The following ODC1 variants were observed in gnomAD, a reference collection of about 807,000 sequenced individuals.
ODC1 encodes the protein ornithine decarboxylase.
A neutral mutation model predicts 41.5 loss-of-function variants in ODC1; 18 were observed. The observed-to-expected ratio is 0.43, with a 90% CI of 0.30 to 0.64. The LOEUF is 0.64. ODC1 is among the 30% of genes least tolerant of loss of function. The pLI, the probability that ODC1 is intolerant of heterozygous loss-of-function variation, is 0.11. For synonymous variants in ODC1, 218 were observed against 211.6 expected, an observed-to-expected ratio of 1.03 and a Z score of -0.26; for missense variants, 504 against 589.0, an observed-to-expected ratio of 0.86 and a Z score of 1.49.
chr2:10,440,814 C>T lies in ODC1; in HGVS notation c.1296G>A (p.Gln432=). 6.2e-7 allele frequency: 1 copy of T among 1,614,130 alleles called. No individual in the cohort carries two copies. Among genetic ancestry groups the T allele is most frequent in the Non-Finnish European group, 8.5e-7 (1 of 1,180,004 alleles). ...NPDFPPEVEE[Q]DASTLPVSCA... ...AAGACACAGGCAGGGTGCTGGCATC[C>T]TGTTCCTCTACTTCGGGTGGGAAGT... The change falls in exon 12 of 12, where the codon CAG becomes CAA. Residue 432 remains glutamine (Q), a synonymous_variant. Transcript: ENST00000234111.
chr2:10,440,318 T>G lies in ODC1; in HGVS notation c.*406A>C, dbSNP rs1671778277. ...GGACCCACTCATTGTTCTCTGAGAA[T>G]CAGAGCGAGCTATACGGGATTCGTG... On this transcript the variant is annotated 3_prime_UTR_variant, in exon 12 of 12. Coordinates refer to ENST00000234111, the MANE Select transcript of ODC1 (RefSeq NM_002539.3). The G allele has an allele frequency of 6.3e-6, 1 of 159,402 alleles. No homozygotes were observed. Among genetic ancestry groups the G allele is most frequent in the Non-Finnish European group, 1.4e-5 (1 of 72,344 alleles). The allele number at this position is 159,402 out of a possible 1,614,324, so 9.9% of individuals were successfully genotyped here.
At chr2:10,441,471 A>G in intron 11 of ODC1, 38 bp downstream of exon 11, 1 of 1,590,338 alleles carries the variant, frequency 6.3e-7, no homozygotes, top group South Asian at 1.1e-5. Context: ...GAAGGTGCCT[A>G]TTCTTGGCAG....
chr2:10,444,877 T>C (rs1671956616), intron 3 of ODC1, 54 bp downstream of exon 3: 2 of 1,333,468 alleles, frequency 1.5e-6, no homozygotes, highest in Admixed American at 1.7e-5. Flanking sequence ...GCCAAAGTTT[T>C]CCACTTGCCT....
chr2:10,440,993 G>C, intron 11 of ODC1, 125 bp from the exon 12 acceptor site: 1 of 1,099,060 alleles, frequency 9.1e-7, no homozygotes. Context: ...GTCTTTCTCT[G>C]TTACTCAGGC....
chr2:10,441,789 T>C, intron 10 of ODC1, 28 bp downstream of exon 10: 2 of 1,612,720 alleles, frequency 1.2e-6, no homozygotes, highest in Non-Finnish European at 1.7e-6. Context: ...TCCTCTTAAT[T>C]GTTTTATACA....
rs1672110110 is a variant in ODC1, at chr2:10,448,325, G to A, written c.-332C>T. 1 of 264,452 alleles carries A rather than the reference G, an allele frequency of 3.8e-6. No homozygotes were observed. Among genetic ancestry groups the A allele is most frequent in the Non-Finnish European group, 7.1e-6 (1 of 140,440 alleles). The allele number at this position is 264,452 out of a possible 1,614,324, so 16.4% of individuals were successfully genotyped here. ...GGCGGCGGCGGCTACAGGAGGGACT[G>A]ACAAAGCCCCACGGCACGCCGCTCC... On this transcript the variant is annotated 5_prime_UTR_variant, in exon 1 of 12. Transcript: ENST00000234111.
At chr2:10,443,672 T>C (rs1671911071) in intron 6 of ODC1, 30 bp downstream of exon 6, 1 of 1,612,770 alleles carries the variant, frequency 6.2e-7, no homozygotes, top group Non-Finnish European at 8.5e-7. Flanking sequence ...TTCAATGTCT[T>C]GACCTCTAGC....
At position 10,440,559 on chromosome 2, in the gene ODC1, G is replaced by T. The variant is rs1202599513; in HGVS notation, c.*165C>A. The T allele has an allele frequency of 2.7e-5, 16 of 598,548 alleles. No individual in the cohort carries two copies. The highest frequency in any genetic ancestry group is 4.5e-5 in the Non-Finnish European group (16 of 353,716). The allele number at this position is 598,548 out of a possible 1,614,324, so 37.1% of individuals were successfully genotyped here. Reference sequence around the variant, plus strand: ...AACAAATATTCAAATAGTTTCCATAGGAACACAGATAAGTGTGACCCATAT... The same window carrying T: ...AACAAATATTCAAATAGTTTCCATATGAACACAGATAAGTGTGACCCATAT... On this transcript the variant is annotated 3_prime_UTR_variant, in exon 12 of 12. Coordinates refer to ENST00000234111, the MANE Select transcript of ODC1 (RefSeq NM_002539.3).
chr2:10,442,271 AC>A, intron 8 of ODC1, 97 bp from the exon 9 acceptor site: 1 of 1,243,178 alleles, frequency 8.0e-7, no homozygotes, highest in Non-Finnish European at 1.1e-6. Context: ...ACATCATGAG[AC>A]CAGGCATCAA....
intron 3 of ODC1, 39 bp from the exon 4 acceptor site, chr2:10,444,686 T>C (rs1187578900): frequency 6.4e-7 from 1 of 1,570,782 alleles, no homozygotes; most frequent in Non-Finnish European, 8.7e-7. Flanking sequence ...ACTAGCAGCC[T>C]CACCACACAC....
Position 10,448,218 on chromosome 2 carries a change from C to G in ODC1, c.-225G>C. 5.0e-6 allele frequency: 1 copy of G among 198,704 alleles called. No homozygotes were observed. 12.3% of individuals were successfully genotyped at this position (198,704 alleles called of 1,614,324 possible). On this transcript the variant is annotated 5_prime_UTR_variant, in exon 1 of 12. Transcript: ENST00000234111. Reference sequence around the variant, plus strand: ...GGAGCGCTCGGCCGCCCCCGCCGCGCCCGTCAGCGCCTGGCTCCCGCCCGC... The same window carrying G: ...GGAGCGCTCGGCCGCCCCCGCCGCGGCCGTCAGCGCCTGGCTCCCGCCCGC...
intron 10 of ODC1, 25 bp downstream of exon 10, chr2:10,441,792 T>C (rs1671829576): frequency 6.2e-7 from 1 of 1,613,082 alleles, no homozygotes; most frequent in Non-Finnish European, 8.5e-7. Flanking sequence ...TCTTAATTGT[T>C]TTATACAGTA....
chr2:10,440,557 T>C lies in ODC1; in HGVS notation c.*167A>G, dbSNP rs1671786189. On this transcript the variant is annotated 3_prime_UTR_variant, in exon 12 of 12. Coordinates refer to ENST00000234111, the MANE Select transcript of ODC1 (RefSeq NM_002539.3). Reference sequence around the variant, plus strand: ...AAAACAAATATTCAAATAGTTTCCATAGGAACACAGATAAGTGTGACCCAT... The same window carrying C: ...AAAACAAATATTCAAATAGTTTCCACAGGAACACAGATAAGTGTGACCCAT... The C allele has an allele frequency of 1.3e-5, 8 of 596,774 alleles. No individual in the cohort carries two copies. The highest frequency in any genetic ancestry group is 1.7e-5 in the Non-Finnish European group (6 of 351,506). 37.0% of individuals were successfully genotyped at this position (596,774 alleles called of 1,614,324 possible).
At chr2:10,442,802 C>T (rs1280002894) in intron 8 of ODC1, among the ~76,000 whole-genome samples, 1 of 152,068 alleles carries the variant, frequency 6.6e-6, no homozygotes, top group Admixed American at 6.5e-5. Context: ...CCTCAACCTC[C>T]TGGGCTCAAG....
Position 10,444,463 on chromosome 2 carries a change from C to T in ODC1, c.276+11G>A, listed in dbSNP as rs1275989343. The T allele has an allele frequency of 1.9e-6, 3 of 1,599,918 alleles. No homozygotes were observed. The highest frequency in any genetic ancestry group is 1.7e-5 in the Admixed American group (1 of 57,708). Reference sequence around the variant, plus strand: ...TATACAACGCTTTTGAGGCCTGCTGCTATCGCTTACCTTGCTAGCACAGTC... The same window carrying T: ...TATACAACGCTTTTGAGGCCTGCTGTTATCGCTTACCTTGCTAGCACAGTC... On this transcript the variant is annotated intron_variant, in intron 4 of 11. Transcript: ENST00000234111.
rs1671829893 is a variant in ODC1 at position 10,441,808 on chromosome 2, A to C, written c.1026+9T>G. The C allele has an allele frequency of 6.2e-7, 1 of 1,613,670 alleles. No homozygotes were observed. Among genetic ancestry groups the C allele is most frequent in the Non-Finnish European group, 8.5e-7 (1 of 1,179,676 alleles). On this transcript the variant is annotated intron_variant, in intron 10 of 11. Transcript: ENST00000234111. ...CTTAATTGTTTTATACAGTATGCTC[A>C]GAAATTACCTTTTGCAGAAGGGGCT...
chr2:10,442,214 G>C, intron 8 of ODC1, 40 bp from the exon 9 acceptor site: 1 of 1,560,622 alleles, frequency 6.4e-7, no homozygotes, highest in Non-Finnish European at 8.7e-7. Context: ...AGCCTTCATT[G>C]TGGGAAATTC....
Position 10,441,642 on chromosome 2 carries a change from A to T in ODC1, c.1108T>A (p.Cys370Ser). 6.2e-7 allele frequency: 1 copy of T among 1,614,254 alleles called. No homozygotes were observed. The highest frequency in any genetic ancestry group is 8.5e-7 in the Non-Finnish European group (1 of 1,180,058). ...CDGLDRIVER[C>S]DLPEMHVGDW... ...CCCACATGCATTTCAGGCAGGTCACAGCGCTCAACAATCCGATCGAGGCCA... is the reference window on the plus strand; with the variant it reads ...CCCACATGCATTTCAGGCAGGTCACTGCGCTCAACAATCCGATCGAGGCCA... Residue 370 changes from cysteine (C) to serine (S), a missense_variant, in exon 11 of 12, where the codon TGT becomes AGT. By Grantham distance (112) the Cys-to-Ser change is moderately radical. Coordinates refer to ENST00000234111, the MANE Select transcript of ODC1 (RefSeq NM_002539.3).
chr2:10,448,293 G>GGGC lies in ODC1; in HGVS notation c.-303_-301dup, dbSNP rs28362372. 580 of 248,150 alleles carry GGGC rather than the reference G, an allele frequency of 2.3e-3. 1 individual carries two copies. Among genetic ancestry groups the GGGC allele is most frequent in the African/African-American group, 6.5e-3 (280 of 43,374 alleles). The allele number at this position is 248,150 out of a possible 1,614,324, so 15.4% of individuals were successfully genotyped here. ...CCGGAGCTGCTGGCAGAGGGGCGGC[G>GGGC]GGCGGCGGCGGCGGCGGCTACAGGA... On this transcript the variant is annotated 5_prime_UTR_variant, in exon 1 of 12. Coordinates refer to ENST00000234111, the MANE Select transcript of ODC1 (RefSeq NM_002539.3).
Sources: gnomAD v4.1 joint callset for allele counts (sites outside exome capture counted in the v4.1 genomes callset) on GRCh38, gnomAD v4.1.1 for gene constraint, MANE v1.5 for transcripts, NCBI Gene and HGNC (gene_info 2026-07-23, HGNC 2026-07-21) for gene names.